The following ISCA1 variants were observed in gnomAD, a reference collection of about 807,000 sequenced individuals.
The protein encoded by ISCA1 is iron-sulfur cluster assembly 1 homolog, mitochondrial.
In ISCA1, 9 loss-of-function variants were observed where a neutral mutation model predicts 14.7. The ratio of observed to expected loss-of-function variants is 0.61; its 90% confidence interval spans 0.37 to 1.07. ISCA1 has a LOEUF of 1.07. Ranked by LOEUF, ISCA1 falls within the 50% of genes least tolerant of loss-of-function variation. The probability of loss-of-function intolerance (pLI) is 0.01; values close to 1 mark genes in which losing one functional copy is unlikely to be tolerated. For missense variants in ISCA1, 102 were observed against 150.1 expected, an observed-to-expected ratio of 0.68 and a Z score of 1.67; for synonymous variants, 38 against 54.3, an observed-to-expected ratio of 0.70 and a Z score of 1.32.
intron 2 of ISCA1, among the ~76,000 whole-genome samples, chr9:86,272,452 T>A (rs1825382653): frequency 2.0e-5 from 3 of 152,220 alleles, no homozygotes; most frequent in Admixed American, 2.0e-4. Flanking sequence ...CATCTGGCAA[T>A]CCTACCTCTA....
intron 3 of ISCA1, among the ~76,000 whole-genome samples, chr9:86,269,380 A>G (rs1825336273): frequency 6.6e-6 from 1 of 152,150 alleles, no homozygotes; most frequent in Non-Finnish European, 1.5e-5. Context: ...ATCCAACTTA[A>G]AAAGGACGTG....
chr9:86,265,666 T>A lies in ISCA1; in HGVS notation c.*377A>T, dbSNP rs1162521543. 7 of 228,420 alleles carry A rather than the reference T, an allele frequency of 3.1e-5. No individual in the cohort carries two copies. Among genetic ancestry groups the A allele is most frequent in the Non-Finnish European group, 5.3e-5 (6 of 113,308 alleles). The allele number at this position is 228,420 out of a possible 1,614,324, so 14.1% of individuals were successfully genotyped here. A position where few individuals can be genotyped will look rare whatever the true frequency, so the allele number is the denominator to read the frequency against. ...CATATTACTACCAGCAGTCACGATG[T>A]CCTGTCTCAGATTTTAGGAGTCACC... On this transcript the variant is annotated 3_prime_UTR_variant, in exon 4 of 4. Transcript: ENST00000375991.
At chr9:86,282,093 A>G in intron 1 of ISCA1, 1 of 439,318 alleles carries the variant, frequency 2.3e-6, no homozygotes, top group Non-Finnish European at 4.1e-6. Context: ...GCCCCCGGGG[A>G]CGCCCACCCC....
intron 3 of ISCA1, chr9:86,267,695 T>C (rs1322913997): frequency 3.7e-5 from 21 of 570,014 alleles, no homozygotes; most frequent in Non-Finnish European, 4.4e-5. Context: ...GAACCAGGCA[T>C]GGTGGTGGGC....
intron 1 of ISCA1, 135 bp downstream of exon 1, chr9:86,282,243 G>C (rs1825529433): frequency 2.1e-6 from 2 of 934,932 alleles, no homozygotes; most frequent in African/African-American, 1.7e-5. Flanking sequence ...GCGAGGCTGT[G>C]CGGCGGGTCG....
chr9:86,279,076 G>A (rs1056639028), intron 1 of ISCA1, among the ~76,000 whole-genome samples: 1 of 152,104 alleles, frequency 6.6e-6, no homozygotes, highest in Non-Finnish European at 1.5e-5. Context: ...TTAGTGCTTG[G>A]TCACTGTTCA....
chr9:86,264,972 C>T lies in ISCA1; in HGVS notation c.*1071G>A, dbSNP rs1825277350. ...GAATTTTAACAAAAGATTACACATT[C>T]TCCTGTACAGTGAGGACCACATTCC... On this transcript the variant is annotated 3_prime_UTR_variant, in exon 4 of 4. Coordinates refer to ENST00000375991, the MANE Select transcript of ISCA1 (RefSeq NM_030940.4). 1 of 152,206 alleles carries T rather than the reference C, an allele frequency of 6.6e-6. No homozygotes were observed. The highest frequency in any genetic ancestry group is 6.5e-5 in the Admixed American group (1 of 15,274). The allele number at this position is 152,206 out of a possible 1,614,324, so 9.4% of individuals were successfully genotyped here.
rs1213917328 is a variant in ISCA1, at chr9:86,282,229, G to GGCGGCGAGGCTGT, written c.81+136_81+148dup. ...GCAAAGAGGGGCCGGAGGCGAAGGA[G>GGCGGCGAGGCTGT]GCGGCGAGGCTGTGCGGCGGGTCGG... On this transcript the variant is annotated intron_variant, in intron 1 of 3. Coordinates refer to ENST00000375991, the MANE Select transcript of ISCA1 (RefSeq NM_030940.4). The GGCGGCGAGGCTGT allele has an allele frequency of 6.3e-6, 5 of 798,198 alleles. No individual in the cohort carries two copies. In the African/African-American group the frequency reaches 9.1e-5, roughly 15 times the overall value. 49.4% of individuals were successfully genotyped at this position (798,198 alleles called of 1,614,324 possible).
chr9:86,276,431 A>G (rs1042465975), intron 1 of ISCA1, among the ~76,000 whole-genome samples: 3 of 152,224 alleles, frequency 2.0e-5, no homozygotes, highest in Admixed American at 6.5e-5. Flanking sequence ...GATTGTCAAT[A>G]AAAGCTAGCT....
At chr9:86,272,286 C>CT (rs1483998750) in intron 2 of ISCA1, among the ~76,000 whole-genome samples, 174 bp from the exon 3 acceptor site, 1 of 152,224 alleles carries the variant, frequency 6.6e-6, no homozygotes, top group East Asian at 1.9e-4. Context: ...TCAAATAACG[C>CT]TTCCACCTCG....
intron 1 of ISCA1, among the ~76,000 whole-genome samples, chr9:86,276,108 A>T (rs2131225505): frequency 6.6e-6 from 1 of 152,238 alleles, no homozygotes; most frequent in East Asian, 1.9e-4. Flanking sequence ...ATATACAATC[A>T]GTGGGAGCCC....
intron 1 of ISCA1, among the ~76,000 whole-genome samples, chr9:86,279,507 T>C (rs1825482982): frequency 6.6e-6 from 1 of 152,242 alleles, no homozygotes; most frequent in Non-Finnish European, 1.5e-5. Context: ...ATCAGTTACT[T>C]TTCCTAGCCT....
At chr9:86,271,233 C>T (rs1825365467) in intron 3 of ISCA1, among the ~76,000 whole-genome samples, 1 of 152,026 alleles carries the variant, frequency 6.6e-6, no homozygotes, top group African/African-American at 2.4e-5. Flanking sequence ...CTAGGAGCAA[C>T]AGGTTATATT....
In ISCA1 at chr9:86,265,960, G is replaced by A. The variant is rs901024566; in HGVS notation, c.*83C>T. The A allele has an allele frequency of 8.9e-6, 14 of 1,571,554 alleles. No individual in the cohort carries two copies. In the Admixed American group the frequency reaches 1.2e-4, roughly 13 times the overall value. Reference sequence around the variant, plus strand: ...GATGTATCACTTTATTTTCCAGCACGTGACAGTCACATGATTTCTGCAGTG... The same window carrying A: ...GATGTATCACTTTATTTTCCAGCACATGACAGTCACATGATTTCTGCAGTG... On this transcript the variant is annotated 3_prime_UTR_variant, in exon 4 of 4. Transcript: ENST00000375991.
Position 86,266,073 on chromosome 9 carries a change from A to G in ISCA1, c.360T>C (p.Thr120=), listed in dbSNP as rs374558412. 2 of 1,612,420 alleles carry G rather than the reference A, an allele frequency of 1.2e-6. No homozygotes were observed. The highest frequency in any genetic ancestry group is 1.7e-6 in the Non-Finnish European group (2 of 1,179,786). The part of the protein sequence containing the change: ...FVFNNPNIKG[T]CGCGESFNI ...TATTAAAGCTTTCTCCACAGCCACAAGTCCCTTTGATGTTTGGGTTATTGA... is the reference window on the plus strand; with the variant it reads ...TATTAAAGCTTTCTCCACAGCCACAGGTCCCTTTGATGTTTGGGTTATTGA... The change falls in exon 4 of 4, where the codon ACT becomes ACC. Residue 120 remains threonine (T), a synonymous_variant. Coordinates refer to ENST00000375991, the MANE Select transcript of ISCA1 (RefSeq NM_030940.4).
chr9:86,276,423 T>C (rs1290630793), intron 1 of ISCA1, among the ~76,000 whole-genome samples: 2 of 152,232 alleles, frequency 1.3e-5, no homozygotes, highest in African/African-American at 4.8e-5. Context: ...TTCTAAGTGA[T>C]TGTCAATAAA....
chr9:86,278,254 A>AT (rs1825466516), intron 1 of ISCA1, among the ~76,000 whole-genome samples: 1 of 152,346 alleles, frequency 6.6e-6, no homozygotes, highest in East Asian at 1.9e-4. Context: ...ATCATTCTTT[A>AT]ACAGCCATGG....
At chr9:86,270,108 A>C (rs1002143063) in intron 3 of ISCA1, among the ~76,000 whole-genome samples, 2 of 150,052 alleles carry the variant, frequency 1.3e-5, no homozygotes, top group Admixed American at 1.3e-4. Flanking sequence ...TAATTAAACT[A>C]AAGAGCTTCT....
At chr9:86,274,158 T>C (rs904534858) in intron 2 of ISCA1, 31 bp downstream of exon 2, 1 of 1,279,596 alleles carries the variant, frequency 7.8e-7, no homozygotes. Context: ...AGCTTCAGTT[T>C]TTTACTGAAT....
Sources: gnomAD v4.1 joint callset for allele counts (sites outside exome capture counted in the v4.1 genomes callset) on GRCh38, gnomAD v4.1.1 for gene constraint, MANE v1.5 for transcripts, NCBI Gene and HGNC (gene_info 2026-07-23, HGNC 2026-07-21) for gene names.